The following CLDN10 variants were observed in gnomAD, a reference collection of about 807,000 sequenced individuals.
The protein encoded by CLDN10 is claudin 10.
In CLDN10, 15 loss-of-function variants were observed where a neutral mutation model predicts 22.9. The observed-to-expected ratio is 0.65, with a 90% CI of 0.44 to 1.01. The LOEUF (loss-of-function observed/expected upper bound fraction) is 1.01. Ranked by LOEUF, CLDN10 falls within the 50% of genes least tolerant of loss-of-function variation. The probability of loss-of-function intolerance (pLI) is 0.00; values close to 1 mark genes in which losing one functional copy is unlikely to be tolerated. For missense variants in CLDN10, 247 were observed against 287.8 expected, an observed-to-expected ratio of 0.86 and a Z score of 1.03; for synonymous variants, 114 against 111.4, an observed-to-expected ratio of 1.02 and a Z score of -0.15.
chr13:95,565,785 C>A (rs1443298283), intron 3 of CLDN10, among the ~76,000 whole-genome samples: 1 of 150,974 alleles, frequency 6.6e-6, no homozygotes, highest in Admixed American at 6.6e-5. Flanking sequence ...AGCCCCCCAC[C>A]CCCTGACAGG....
At chr13:95,463,285 A>ATATATATATATAT (rs1555288952) in intron 1 of CLDN10, among the ~76,000 whole-genome samples, 2 of 40,094 alleles carry the variant, frequency 5.0e-5, no homozygotes, top group African/African-American at 1.5e-4. Flanking sequence ...GCAAATGCTT[A>ATATATATATATAT]ATATATATAT....
At chr13:95,517,622 T>C (rs2043183204) in intron 1 of CLDN10, among the ~76,000 whole-genome samples, 1 of 152,192 alleles carries the variant, frequency 6.6e-6, no homozygotes, top group African/African-American at 2.4e-5. Context: ...TTCTGAAGTA[T>C]AGACACTCTG....
intron 1 of CLDN10, among the ~76,000 whole-genome samples, chr13:95,520,973 AC>A (rs1245649901): frequency 1.3e-5 from 2 of 152,132 alleles, no homozygotes; most frequent in Non-Finnish European, 2.9e-5. Flanking sequence ...AAAAAAAAAA[AC>A]AGCAAAATTG....
At position 95,527,789 on chromosome 13, in the gene CLDN10, C is replaced by T. The variant is rs114628327; in HGVS notation, c.215-32343C>T. Among the ~76,000 whole-genome samples, 1,455 of 152,156 alleles carry T rather than the reference C, an allele frequency of 9.6e-3. 21 individuals are homozygous for T. Among genetic ancestry groups the T allele is most frequent in the African/African-American group, 0.033 (1,365 of 41,508 alleles). On this transcript the variant is annotated intron_variant, in intron 1 of 4. Transcript: ENST00000376873. ...TAAACAAAATTAAAAAACTCTGTGG[C>T]GAGTGTATATCATCTTATGGTGAAA...
chr13:95,463,311 TA>T (rs2139091927), intron 1 of CLDN10, among the ~76,000 whole-genome samples: 1 of 114,526 alleles, frequency 8.7e-6, no homozygotes, highest in Admixed American at 8.8e-5. Context: ...TATATATATA[TA>T]TATATATATA....
intron 1 of CLDN10, among the ~76,000 whole-genome samples, chr13:95,541,595 A>G (rs1308216154): frequency 2.6e-5 from 4 of 151,942 alleles, no homozygotes; most frequent in Admixed American, 6.6e-5. Flanking sequence ...ATTTTTTATT[A>G]CTTCCTCTAT....
At chr13:95,568,813 G>A (rs1482162759) in intron 3 of CLDN10, among the ~76,000 whole-genome samples, 1 of 152,150 alleles carries the variant, frequency 6.6e-6, no homozygotes, top group Non-Finnish European at 1.5e-5. Flanking sequence ...AGAATGGTAA[G>A]ACGGAGTGTG....
At chr13:95,442,591 G>T (rs2042334737) in intron 1 of CLDN10, among the ~76,000 whole-genome samples, 1 of 152,180 alleles carries the variant, frequency 6.6e-6, no homozygotes, top group South Asian at 2.1e-4. Flanking sequence ...GGGGAGAAAA[G>T]GCCCCCTTTG....
At chr13:95,543,439 T>G (rs74941762) in intron 1 of CLDN10, among the ~76,000 whole-genome samples, 2,617 of 152,210 alleles carry the variant, frequency 0.017, 27 homozygotes, top group Non-Finnish European at 0.027. Flanking sequence ...TAATTGGCTG[T>G]TAGGAAAAAG....
chr13:95,491,549 A>T (rs931226353), intron 1 of CLDN10, among the ~76,000 whole-genome samples: 1 of 151,990 alleles, frequency 6.6e-6, no homozygotes, highest in African/African-American at 2.4e-5. Flanking sequence ...TATTTCCTTG[A>T]ATATTTCTCC....
chr13:95,434,626 A>G (rs1018880425), intron 1 of CLDN10, among the ~76,000 whole-genome samples: 4 of 149,432 alleles, frequency 2.7e-5, no homozygotes, highest in African/African-American at 1.0e-4. Context: ...ATATACATAT[A>G]TTCATGCACA....
chr13:95,550,454 A>C (rs1017875502), upstream of CLDN10, among the ~76,000 whole-genome samples: 1 of 152,232 alleles, frequency 6.6e-6, no homozygotes, highest in Non-Finnish European at 1.5e-5. Context: ...AAAAACAAAG[A>C]AATAATCAAT....
chr13:95,445,111 A>G (rs1467772346), intron 1 of CLDN10, among the ~76,000 whole-genome samples: 2 of 152,214 alleles, frequency 1.3e-5, no homozygotes, highest in African/African-American at 4.8e-5. Context: ...AATGTTATCT[A>G]CTTCAGAGGA....
At chr13:95,575,935 GC>G (rs1484858914) in intron 3 of CLDN10, among the ~76,000 whole-genome samples, 46 of 152,318 alleles carry the variant, frequency 3.0e-4, no homozygotes, top group African/African-American at 1.0e-3. Context: ...AAAATAGGAT[GC>G]CAGTGCCAGG....
chr13:95,456,222 C>A (rs148761979), intron 1 of CLDN10, among the ~76,000 whole-genome samples: 18 of 152,284 alleles, frequency 1.2e-4, no homozygotes, highest in African/African-American at 4.3e-4. Flanking sequence ...ATCTGCACAT[C>A]CAAGTAAATC....
Position 95,577,941 on chromosome 13 carries a change from C to T in CLDN10, c.614C>T (p.Thr205Ile). 6.2e-7 allele frequency: 1 copy of T among 1,613,710 alleles called. No individual in the cohort carries two copies. Among genetic ancestry groups the T allele is most frequent in the South Asian group, 1.1e-5 (1 of 91,052 alleles). Reference sequence around the variant, plus strand: ...GCCACATCTGTCATGTCTTCTCGGACAAAGTATCATGGTGGAGAAGATTTT... The same window carrying T: ...GCCACATCTGTCATGTCTTCTCGGATAAAGTATCATGGTGGAGAAGATTTT... Reference protein sequence around the residue: ...NGATSVMSSRTKYHGGEDFKT... With the variant: ...NGATSVMSSRIKYHGGEDFKT... The change falls in exon 5 of 5, where the codon ACA becomes ATA. Residue 205 changes from threonine (T) to isoleucine (I), a missense_variant. By Grantham distance (89) the Thr-to-Ile change is moderately conservative (BLOSUM62 -1). Transcript: ENST00000299339.
chr13:95,448,166 A>G (rs946244328), intron 1 of CLDN10, among the ~76,000 whole-genome samples: 4 of 152,104 alleles, frequency 2.6e-5, no homozygotes, highest in Non-Finnish European at 5.9e-5. Flanking sequence ...ACTCATACAC[A>G]CAATCTCTTA....
intron 3 of CLDN10, among the ~76,000 whole-genome samples, chr13:95,575,668 C>T (rs2043915028): frequency 6.6e-6 from 1 of 151,526 alleles, no homozygotes; most frequent in Non-Finnish European, 1.5e-5. Flanking sequence ...TTAAGGGAAC[C>T]CGCTGAAGTT....
At chr13:95,518,321 C>T (rs988556117) in intron 1 of CLDN10, among the ~76,000 whole-genome samples, 1 of 152,154 alleles carries the variant, frequency 6.6e-6, no homozygotes, top group African/African-American at 2.4e-5. Flanking sequence ...TTTGGGTCCA[C>T]TTCAAGAAAC....
Sources: allele counts gnomAD v4.1 joint callset (sites outside exome capture counted in the v4.1 genomes callset), GRCh38; gene constraint gnomAD v4.1.1; transcripts MANE v1.5; gene names NCBI Gene and HGNC (gene_info 2026-07-23, HGNC 2026-07-21).